The following RP1 variants were observed in gnomAD, a reference collection of about 807,000 sequenced individuals.
The protein encoded by RP1 is oxygen-regulated protein 1.
A neutral mutation model predicts 14.8 loss-of-function variants in RP1; 16 were observed. That is an observed-to-expected ratio of 1.08 (90% CI 0.73 to 1.65). RP1 has a LOEUF of 1.65. Among genes scored for constraint, RP1 ranks in the 40% most tolerant of loss-of-function variants. RP1 has a pLI of 0.00. For missense variants in RP1, 2,631 were observed against 2,535.0 expected, an observed-to-expected ratio of 1.04 and a Z score of -0.81; for synonymous variants, 876 against 883.6, an observed-to-expected ratio of 0.99 and a Z score of 0.15.
intron 21 of RP1, chr8:54,758,868 A>T: frequency 6.6e-7 from 1 of 1,514,702 alleles, no homozygotes; most frequent in South Asian, 1.2e-5. Context: ...TGCATTTGTC[A>T]TGCCTCGGAC....
chr8:54,850,087 A>G (rs566816743), intron 25 of RP1, among the ~76,000 whole-genome samples: 13 of 152,324 alleles, frequency 8.5e-5, no homozygotes, highest in Admixed American at 8.5e-4. Context: ...CCATGATAAA[A>G]AGAAATTTTA....
At chr8:54,821,184 A>T (rs1459612699) in intron 24 of RP1, among the ~76,000 whole-genome samples, 1 of 152,218 alleles carries the variant, frequency 6.6e-6, no homozygotes, top group African/African-American at 2.4e-5. Flanking sequence ...GGTGTTTCAG[A>T]AGAAAAAACA....
intron 17 of RP1, among the ~76,000 whole-genome samples, chr8:54,734,055 C>T (rs62514649): frequency 9.9e-5 from 15 of 152,064 alleles, no homozygotes; most frequent in Non-Finnish European, 1.9e-4. Flanking sequence ...CCATTGCCCA[C>T]GCCAGTAAGG....
At chr8:54,716,506 G>A (rs1042494463) in intron 15 of RP1, among the ~76,000 whole-genome samples, 4 of 152,096 alleles carry the variant, frequency 2.6e-5, no homozygotes, top group African/African-American at 9.7e-5. Flanking sequence ...GTTTGTCCCT[G>A]AATGTGGATA....
chr8:54,575,272 C>T (rs1434168789), intron 1 of RP1, among the ~76,000 whole-genome samples: 2 of 152,104 alleles, frequency 1.3e-5, no homozygotes, highest in South Asian at 2.1e-4. Flanking sequence ...TTTAGCTGTT[C>T]CCTAATGTAA....
downstream of RP1, among the ~76,000 whole-genome samples, chr8:54,773,235 C>T (rs1372001718): frequency 6.6e-6 from 1 of 152,122 alleles, no homozygotes; most frequent in African/African-American, 2.4e-5. Context: ...TATTAATATG[C>T]AGTGGATAAT....
chr8:54,614,509 T>C (rs1330365882), upstream of RP1, among the ~76,000 whole-genome samples: 1 of 152,036 alleles, frequency 6.6e-6, no homozygotes, highest in Non-Finnish European at 1.5e-5. Flanking sequence ...AGGAAATTCA[T>C]GTGCACCTTC....
At chr8:54,694,562 T>C (rs1291490812) in intron 12 of RP1, among the ~76,000 whole-genome samples, 2 of 152,154 alleles carry the variant, frequency 1.3e-5, no homozygotes, top group Non-Finnish European at 2.9e-5. Flanking sequence ...GTATATGTGT[T>C]GCGGAATTTA....
exon 6 of RP1, chr8:54,656,149 G>A (rs1260107484): frequency 6.5e-7 from 1 of 1,535,504 alleles, no homozygotes; most frequent in Non-Finnish European, 8.7e-7. Context: ...GTTGGCACGA[G>A]ATCAAGAGGA....
intron 1 of RP1, among the ~76,000 whole-genome samples, chr8:54,586,439 G>C (rs13268633): frequency 0.3 from 45,723 of 152,110 alleles, 8,257 homozygotes; most frequent in Non-Finnish European, 0.41. Context: ...GGCTACTCAG[G>C]GGTCAGGGAC....
intron 19 of RP1, among the ~76,000 whole-genome samples, chr8:54,742,872 C>T (rs1048962993): frequency 3.9e-5 from 6 of 152,112 alleles, no homozygotes; most frequent in African/African-American, 1.4e-4. Context: ...AACATCACTA[C>T]GTAGTGATTC....
chr8:54,786,159 T>C (rs987280362), intron 24 of RP1, among the ~76,000 whole-genome samples: 1 of 152,128 alleles, frequency 6.6e-6, no homozygotes, highest in Admixed American at 6.5e-5. Context: ...AAGAGTTCCC[T>C]TTGGCATTTC....
intron 7 of RP1, among the ~76,000 whole-genome samples, chr8:54,665,394 T>G (rs1806994045): frequency 6.6e-6 from 1 of 152,180 alleles, no homozygotes; most frequent in Non-Finnish European, 1.5e-5. Flanking sequence ...TTGTCCCAAC[T>G]ACTGTCTTTG....
intron 1 of RP1, among the ~76,000 whole-genome samples, chr8:54,585,243 C>G (rs1254648714): frequency 6.6e-6 from 1 of 152,174 alleles, no homozygotes; most frequent in South Asian, 2.1e-4. Context: ...TTCTATTTCT[C>G]CTTCACTTAC....
intron 24 of RP1, among the ~76,000 whole-genome samples, chr8:54,790,841 G>T (rs77546026): frequency 0.028 from 4,263 of 152,144 alleles, 180 homozygotes; most frequent in African/African-American, 0.097. Context: ...GCGAAGAAAG[G>T]TTATGAGTTA....
intron 1 of RP1, among the ~76,000 whole-genome samples, chr8:54,563,495 G>A (rs1164406015): frequency 1.3e-5 from 2 of 151,830 alleles, no homozygotes; most frequent in Admixed American, 1.3e-4. Flanking sequence ...CATTTTGAAT[G>A]GCTTACAAGT....
At chr8:54,731,701 G>A (rs1250829330) in intron 17 of RP1, among the ~76,000 whole-genome samples, 1 of 152,092 alleles carries the variant, frequency 6.6e-6, no homozygotes, top group Non-Finnish European at 1.5e-5. Context: ...GGGCCTTAGA[G>A]GCTGTCAACT....
In RP1 at chr8:54,692,033, T is replaced by C. The variant is rs533483400; in HGVS notation, c.1718-7434T>C. Among the ~76,000 whole-genome samples the C allele has an allele frequency of 5.7e-4, 86 of 152,148 alleles. 1 individual carries two copies. In the East Asian group the frequency reaches 0.015, roughly 27 times the overall value. ...TTCCTGTGTCCATGTGTTCTCGTTG[T>C]TCAATTCCCACCTATGAGTGAGAAC... is the stretch of plus-strand genomic sequence containing the variant. On this transcript the variant is annotated intron_variant, in intron 12 of 22. Coordinates refer to the RP1 transcript ENST00000636932.
rs868799060 is a variant in RP1, at chr8:54,692,661, G to T, written c.1718-6806G>T. Among the ~76,000 whole-genome samples, 333 of 136,512 alleles carry T rather than the reference G, an allele frequency of 2.4e-3. 2 individuals carry two copies. The highest frequency in any genetic ancestry group is 9.1e-3 in the African/African-American group (317 of 34,662). 89.6% of individuals were successfully genotyped at this position (136,512 alleles called of 152,430 possible). A position where few individuals can be genotyped will look rare whatever the true frequency, so the allele number is the denominator to read the frequency against. On this transcript the variant is annotated intron_variant, in intron 12 of 22. Coordinates refer to the RP1 transcript ENST00000636932. ...TGTCCTTCGCCCACTTTTTGATGGG[G>T]TTGTTTGTTTTTTTCTTGTAAATTT...
Sources: gnomAD v4.1 joint callset for allele counts (sites outside exome capture counted in the v4.1 genomes callset) on GRCh38, gnomAD v4.1.1 for gene constraint, MANE v1.5 for transcripts, NCBI Gene and HGNC (gene_info 2026-07-23, HGNC 2026-07-21) for gene names.